KIF21A: variants seen among roughly 807,000 people sequenced by gnomAD.
KIF21A encodes kinesin-like protein KIF21A.
In KIF21A, 114 loss-of-function variants were observed where a neutral mutation model predicts 202.9. The ratio of observed to expected loss-of-function variants is 0.56; its 90% confidence interval spans 0.48 to 0.66. The LOEUF (loss-of-function observed/expected upper bound fraction) is 0.66, where lower values mean the gene tolerates loss of function less well. KIF21A is among the 30% of genes least tolerant of loss of function. KIF21A has a pLI of 0.00. For missense variants in KIF21A, 1,677 were observed against 1,994.9 expected, an observed-to-expected ratio of 0.84 and a Z score of 3.04; for synonymous variants, 667 against 670.8, an observed-to-expected ratio of 0.99 and a Z score of 0.09.
At chr12:39,421,740 T>C (rs551288005) in intron 1 of KIF21A, among the ~76,000 whole-genome samples, 310 of 133,438 alleles carry the variant, frequency 2.3e-3, no homozygotes, top group African/African-American at 7.5e-3. Flanking sequence ...TATATATATA[T>C]ATACACATAC....
At chr12:39,400,947 C>A (rs1482884449) in intron 1 of KIF21A, among the ~76,000 whole-genome samples, 1 of 152,088 alleles carries the variant, frequency 6.6e-6, no homozygotes, top group East Asian at 1.9e-4. Flanking sequence ...TTCCTAGAGA[C>A]AAGTGATTTT....
chr12:39,419,179 G>A (rs1482482769), intron 1 of KIF21A, among the ~76,000 whole-genome samples: 1 of 152,228 alleles, frequency 6.6e-6, no homozygotes, highest in African/African-American at 2.4e-5. Context: ...ACTTACAGGA[G>A]TACTCTGTTG....
intron 1 of KIF21A, among the ~76,000 whole-genome samples, chr12:39,436,862 A>C (rs1384789293): frequency 6.6e-6 from 1 of 152,122 alleles, no homozygotes; most frequent in Admixed American, 6.5e-5. Context: ...TTCCAAAGAG[A>C]AGCAGTGAAA....
At chr12:39,441,660 T>TAAA (rs56245570) in intron 1 of KIF21A, among the ~76,000 whole-genome samples, 632 of 37,772 alleles carry the variant, frequency 0.017, 123 homozygotes, top group Non-Finnish European at 0.023. Flanking sequence ...CCCTGGGTGG[T>TAAA]AAAAAAAAAA....
intron 1 of KIF21A, among the ~76,000 whole-genome samples, chr12:39,422,645 G>A (rs532892375): frequency 1.3e-5 from 2 of 152,176 alleles, no homozygotes; most frequent in East Asian, 3.9e-4. Flanking sequence ...TCCACCCCTA[G>A]CAAAACTAGC....
In KIF21A at chr12:39,368,084, T is replaced by C; in HGVS notation, c.451-52A>G. 4.4e-6 allele frequency: 5 copies of C among 1,134,662 alleles called. No individual in the cohort carries two copies. In the South Asian group the frequency reaches 5.0e-5, roughly 11 times the overall value. The allele number at this position is 1,134,662 out of a possible 1,614,324, so 70.3% of individuals were successfully genotyped here. On this transcript the variant is annotated intron_variant, in intron 3 of 37. Transcript: ENST00000361418. ...TTTTAGCAGAAATTGTCTGGGTAGT[T>C]GTCATAACAACACATTACATAATGA...
chr12:39,351,194 G>A (rs1948346427), intron 11 of KIF21A, among the ~76,000 whole-genome samples: 2 of 152,040 alleles, frequency 1.3e-5, no homozygotes, highest in Non-Finnish European at 1.5e-5. Context: ...GCAAAGAAGA[G>A]AAAGCCCAGA....
intron 22 of KIF21A, among the ~76,000 whole-genome samples, chr12:39,331,402 C>G (rs113965869): frequency 6.6e-6 from 1 of 152,102 alleles, no homozygotes; most frequent in Non-Finnish European, 1.5e-5. Context: ...TGTTTGCATG[C>G]TGAGAAATTT....
Position 39,293,952 on chromosome 12 carries a change from T to C in KIF21A, c.*472A>G, listed in dbSNP as rs11171674. On this transcript the variant is annotated 3_prime_UTR_variant, in exon 38 of 38. Transcript: ENST00000361418. Reference sequence around the variant, plus strand: ...TTAAAAGAGCTTTGAAATTTGGGAATCCACTACAGACTGATATAAATACCT... The same window carrying C: ...TTAAAAGAGCTTTGAAATTTGGGAACCCACTACAGACTGATATAAATACCT... 45,810 of 156,030 alleles carry C rather than the reference T, an allele frequency of 0.29. 8,534 individuals are homozygous for C. The highest frequency in any genetic ancestry group is 0.53 in the African/African-American group (21,936 of 41,436). 9.7% of individuals were successfully genotyped at this position (156,030 alleles called of 1,614,324 possible). A position where few individuals can be genotyped will look rare whatever the true frequency, so the allele number is the denominator to read the frequency against.
intron 1 of KIF21A, among the ~76,000 whole-genome samples, chr12:39,388,191 C>G (rs1042049803): frequency 5.3e-5 from 8 of 152,004 alleles, no homozygotes; most frequent in African/African-American, 1.7e-4. Context: ...TGGCGGGGAC[C>G]GGAGGCAGTG....
chr12:39,341,278 A>C (rs1947419983), intron 14 of KIF21A, among the ~76,000 whole-genome samples, 184 bp from the exon 15 acceptor site: 1 of 152,168 alleles, frequency 6.6e-6, no homozygotes, highest in African/African-American at 2.4e-5. Context: ...ATTTTGGTCA[A>C]GGACAATGCT....
At chr12:39,379,163 C>G (rs1022235801) in intron 1 of KIF21A, among the ~76,000 whole-genome samples, 11 of 152,022 alleles carry the variant, frequency 7.2e-5, no homozygotes, top group African/African-American at 2.7e-4. Flanking sequence ...AACCCCATCT[C>G]TACTAAAAAT....
chr12:39,299,548 T>A (rs1179055480), intron 37 of KIF21A, among the ~76,000 whole-genome samples: 1 of 152,144 alleles, frequency 6.6e-6, no homozygotes, highest in East Asian at 1.9e-4. Context: ...GTGTGGCAAT[T>A]CCTCAAAGAG....
chr12:39,338,420 C>G (rs1412774322), intron 16 of KIF21A, among the ~76,000 whole-genome samples: 3 of 151,996 alleles, frequency 2.0e-5, no homozygotes, highest in Non-Finnish European at 4.4e-5. Context: ...TTACAGTAAG[C>G]CAAGGTTAAT....
Position 39,337,183 on chromosome 12 carries a change from C to T in KIF21A, c.2331G>A (p.Met777Ile). Residue 777 changes from methionine (M) to isoleucine (I), a missense_variant, in exon 17 of 38, where the codon ATG becomes ATA. This residue lies in a region of KIF21A where 966 missense variants were observed against 1,180.9 expected (regional missense o/e 0.82). Transcript: ENST00000361418. Reference sequence around the variant, plus strand: ...GTCTGGCTTTCTCTTGTTCTTCTTTCATTTGTTTCATTAGGCGAACCTAAC... The same window carrying T: ...GTCTGGCTTTCTCTTGTTCTTCTTTTATTTGTTTCATTAGGCGAACCTAAC... ...KKTKVRLMKQ[M>I]KEEQEKARLT... The T allele has an allele frequency of 6.2e-7, 1 of 1,611,456 alleles. No homozygotes were observed. Among genetic ancestry groups the T allele is most frequent in the Non-Finnish European group, 8.5e-7 (1 of 1,178,574 alleles).
At chr12:39,384,060 A>G (rs1169430590) in intron 1 of KIF21A, among the ~76,000 whole-genome samples, 2 of 152,202 alleles carry the variant, frequency 1.3e-5, no homozygotes, top group Admixed American at 6.5e-5. Flanking sequence ...CATCAGCCCA[A>G]GTAAGAACAG....
At chr12:39,309,917 G>A in intron 32 of KIF21A, 151 bp from the exon 33 acceptor site, 1 of 707,460 alleles carries the variant, frequency 1.4e-6, no homozygotes, top group Middle Eastern at 3.9e-4. Context: ...CTTCATCCTT[G>A]ACCCTCTGCA....
At chr12:39,429,746 T>C (rs117463377) in intron 1 of KIF21A, among the ~76,000 whole-genome samples, 1 of 152,084 alleles carries the variant, frequency 6.6e-6, no homozygotes, top group Admixed American at 6.5e-5. Context: ...TATCTTAAGG[T>C]GATTTTGAAA....
At chr12:39,348,781 A>AT (rs1460352281) in intron 11 of KIF21A, among the ~76,000 whole-genome samples, 4 of 151,692 alleles carry the variant, frequency 2.6e-5, no homozygotes, top group Non-Finnish European at 4.4e-5. Flanking sequence ...CCACAACAAG[A>AT]TAAAAAAAAA....
Sources: allele counts gnomAD v4.1 joint callset (sites outside exome capture counted in the v4.1 genomes callset), GRCh38; gene constraint gnomAD v4.1.1; regional missense constraint gnomAD v4.1.1; transcripts MANE v1.5; gene names NCBI Gene and HGNC (gene_info 2026-07-23, HGNC 2026-07-21).